The following RBFOX1 variants were observed in gnomAD, a reference collection of about 807,000 sequenced individuals.
RBFOX1 encodes the protein RNA binding fox-1 homolog 1, also known as RNA binding protein fox-1 homolog 1.
RBFOX1 carries 8 observed loss-of-function variants against 57.7 expected under a neutral mutation model. That is an observed-to-expected ratio of 0.14 (90% CI 0.08 to 0.25). The LOEUF (loss-of-function observed/expected upper bound fraction) is 0.25. Among genes scored for constraint, RBFOX1 ranks in the 10% least tolerant of loss-of-function variants. The probability of loss-of-function intolerance (pLI) is 1.00; values close to 1 mark genes in which losing one functional copy is unlikely to be tolerated. For missense variants in RBFOX1, 611 were observed against 548.5 expected (o/e 1.11, Z -1.14); for synonymous variants, 326 against 222.4 (o/e 1.47, Z -4.15).
At chr16:7,662,771 T>C (rs1249762011) in intron 12 of RBFOX1, among the ~76,000 whole-genome samples, 1 of 152,214 alleles carries the variant, frequency 6.6e-6, no homozygotes, top group African/African-American at 2.4e-5. Context: ...TTAAGCATGA[T>C]GCCACCCATC....
intron 5 of RBFOX1, among the ~76,000 whole-genome samples, chr16:7,574,691 G>T (rs1254579997): frequency 6.6e-6 from 1 of 152,158 alleles, no homozygotes; most frequent in African/African-American, 2.4e-5. Flanking sequence ...GGGTTGGCCA[G>T]TCCACTGACT....
chr16:6,349,349 C>T (rs982151903), intron 2 of RBFOX1, among the ~76,000 whole-genome samples: 2 of 152,126 alleles, frequency 1.3e-5, no homozygotes, highest in Admixed American at 6.5e-5. Context: ...AAAAGATGTG[C>T]AAGCCATGTT....
At chr16:6,244,711 T>C (rs1453152864) in intron 1 of RBFOX1, among the ~76,000 whole-genome samples, 2 of 152,194 alleles carry the variant, frequency 1.3e-5, no homozygotes, top group Admixed American at 1.3e-4. Context: ...GATTTCACCA[T>C]GTTGGCTAGG....
chr16:7,325,769 A>G (rs1415892684), intron 4 of RBFOX1, among the ~76,000 whole-genome samples: 15 of 152,222 alleles, frequency 9.9e-5, no homozygotes, highest in African/African-American at 2.4e-5. Context: ...TCACATTGAC[A>G]ACCCTTTTGT....
intron 3 of RBFOX1, among the ~76,000 whole-genome samples, chr16:5,857,578 A>C (rs1344615598): frequency 6.6e-6 from 1 of 152,178 alleles, no homozygotes; most frequent in Non-Finnish European, 1.5e-5. Flanking sequence ...ATATGCCTCC[A>C]GACATTGCCA....
At chr16:6,648,273 C>G (rs2098549911) in intron 2 of RBFOX1, among the ~76,000 whole-genome samples, 1 of 151,830 alleles carries the variant, frequency 6.6e-6, no homozygotes, top group African/African-American at 2.4e-5. Flanking sequence ...GGTTTCCAGG[C>G]TGGTCTTCAA....
At chr16:6,395,733 A>T (rs1443745670) in intron 2 of RBFOX1, among the ~76,000 whole-genome samples, 5 of 152,146 alleles carry the variant, frequency 3.3e-5, no homozygotes, top group African/African-American at 1.2e-4. Context: ...TTAAATGTGC[A>T]ATTTATTGTG....
chr16:7,684,659 A>G (rs866506096), intron 14 of RBFOX1, among the ~76,000 whole-genome samples: 13 of 151,976 alleles, frequency 8.6e-5, no homozygotes, highest in Non-Finnish European at 1.3e-4. Flanking sequence ...TGCTTCTAAC[A>G]TCCTCTCAAT....
intron 3 of RBFOX1, among the ~76,000 whole-genome samples, chr16:6,894,908 TA>T (rs1193117316): frequency 6.6e-6 from 1 of 152,160 alleles, no homozygotes; most frequent in Non-Finnish European, 1.5e-5. Flanking sequence ...CTTTCTCAGC[TA>T]AAATTAAATG....
At chr16:6,365,054 C>G (rs762463684) in intron 2 of RBFOX1, among the ~76,000 whole-genome samples, 6 of 151,804 alleles carry the variant, frequency 4.0e-5, no homozygotes, top group Non-Finnish European at 8.8e-5. Context: ...GGCAAAGGCA[C>G]AGTCATCAAA....
chr16:6,418,015 A>G (rs1178275020), intron 2 of RBFOX1, among the ~76,000 whole-genome samples: 1 of 152,224 alleles, frequency 6.6e-6, no homozygotes, highest in African/African-American at 2.4e-5. Context: ...AAGATCAAAT[A>G]AGAGACACAG....
intron 4 of RBFOX1, among the ~76,000 whole-genome samples, chr16:6,013,799 T>C (rs993948544): frequency 2.6e-5 from 4 of 152,144 alleles, no homozygotes; most frequent in Non-Finnish European, 4.4e-5. Context: ...AAGTCTTTGC[T>C]ATTGTGAATA....
chr16:6,701,646 A>T (rs1290449419), intron 3 of RBFOX1, among the ~76,000 whole-genome samples: 1 of 152,156 alleles, frequency 6.6e-6, no homozygotes, highest in East Asian at 1.9e-4. Flanking sequence ...AGGCGTACGT[A>T]CACCTGTGTT....
At chr16:7,053,824 A>T (rs996322680) in intron 4 of RBFOX1, among the ~76,000 whole-genome samples, 1 of 152,170 alleles carries the variant, frequency 6.6e-6, no homozygotes, top group Non-Finnish European at 1.5e-5. Flanking sequence ...ATCACGAACC[A>T]GTGCTTTGTT....
intron 3 of RBFOX1, among the ~76,000 whole-genome samples, chr16:5,621,270 C>G (rs569579855): frequency 2.0e-5 from 3 of 152,312 alleles, no homozygotes; most frequent in African/African-American, 7.2e-5. Flanking sequence ...AGCCACCATG[C>G]CTGGCTTTCC....
intron 2 of RBFOX1, among the ~76,000 whole-genome samples, chr16:5,529,254 C>A (rs150055837): frequency 1.3e-5 from 2 of 152,012 alleles, no homozygotes; most frequent in Non-Finnish European, 2.9e-5. Flanking sequence ...GAATTTTGTC[C>A]CCTCCCAAAT....
chr16:5,631,716 C>G (rs1274630988), intron 3 of RBFOX1, among the ~76,000 whole-genome samples: 1 of 152,076 alleles, frequency 6.6e-6, no homozygotes, highest in Admixed American at 6.5e-5. Flanking sequence ...ATTTTTTGTA[C>G]TTAGTATTGA....
In RBFOX1 at chr16:7,281,150, G is replaced by A. The variant is rs556051193; in HGVS notation, c.27+229052G>A. On this transcript the variant is annotated intron_variant, in intron 4 of 15. Coordinates refer to ENST00000550418, the MANE Select transcript of RBFOX1 (RefSeq NM_018723.4). ...CCTGAATAGCTGGGATTACAGGTGT[G>A]TGCCACCACACCTGGCTAATTTTTA... is the stretch of plus-strand genomic sequence containing the variant. 3.2e-3 allele frequency among the ~76,000 whole-genome samples: 481 copies of A among 151,920 alleles called. 2 individuals are homozygous for A. Among genetic ancestry groups the A allele is most frequent in the Non-Finnish European group, 4.9e-3 (332 of 67,948 alleles).
intron 12 of RBFOX1, among the ~76,000 whole-genome samples, chr16:7,658,305 T>C (rs1479307697): frequency 6.6e-6 from 1 of 152,148 alleles, no homozygotes; most frequent in African/African-American, 2.4e-5. Flanking sequence ...AGACCTCCAT[T>C]TCCTTCAAGC....
Sources: allele counts gnomAD v4.1 joint callset (sites outside exome capture counted in the v4.1 genomes callset), GRCh38; gene constraint gnomAD v4.1.1; transcripts MANE v1.5; gene names NCBI Gene and HGNC (gene_info 2026-07-23, HGNC 2026-07-21).